The following RIGI variants were observed in gnomAD, a reference collection of about 807,000 sequenced individuals.
The protein encoded by RIGI is RNA sensor RIG-I.
At chr9:32,515,335 G>C in the RIGI span, among the ~76,000 whole-genome samples, 37 of 70,306 alleles carry the variant, frequency 5.3e-4, 1 homozygote, top group Non-Finnish European at 1.1e-3. Flanking sequence ...AAAAAAAAAA[G>C]CCACACGTTT....
chr9:32,521,938 AAGTGACTTAT>A, the RIGI span, among the ~76,000 whole-genome samples: 1 of 152,188 alleles, frequency 6.6e-6, no homozygotes, highest in Admixed American at 6.5e-5. Context: ...TCTTTTCAAA[AAGTGACTTAT>A]AATCAGATAT....
chr9:32,525,307 A>G, the RIGI span, among the ~76,000 whole-genome samples: 1 of 152,146 alleles, frequency 6.6e-6, no homozygotes, highest in African/African-American at 2.4e-5. Context: ...CGGGTTACAT[A>G]GTGGCACCCC....
chr9:32,498,174 C>T, the RIGI span: 1 of 423,180 alleles, frequency 2.4e-6, no homozygotes. Context: ...TCTGGCCAGT[C>T]TATGAAGGAT....
the RIGI span, among the ~76,000 whole-genome samples, chr9:32,475,463 G>C: frequency 1.3e-5 from 2 of 152,122 alleles, no homozygotes. Flanking sequence ...GTGTATGTAT[G>C]GATCAATAAA....
the RIGI span, among the ~76,000 whole-genome samples, chr9:32,499,316 G>GATTTTATTTTTT: frequency 1.7e-5 from 1 of 57,634 alleles, no homozygotes; most frequent in Non-Finnish European, 3.3e-5. Flanking sequence ...TTTGTGATTT[G>GATTTTATTTTTT]TTTTTTTTTT....
the RIGI span, among the ~76,000 whole-genome samples, chr9:32,514,257 T>C: frequency 6.6e-6 from 1 of 152,184 alleles, no homozygotes; most frequent in African/African-American, 2.4e-5. Context: ...ATCATTCTCC[T>C]ATAAAGACAC....
chr9:32,479,342 C>A, the RIGI span, among the ~76,000 whole-genome samples: 1 of 151,986 alleles, frequency 6.6e-6, no homozygotes, highest in South Asian at 2.1e-4. Flanking sequence ...TAAATATTAA[C>A]CAGCACAGCA....
At chr9:32,504,559 T>G in the RIGI span, among the ~76,000 whole-genome samples, 2 of 151,590 alleles carry the variant, frequency 1.3e-5, no homozygotes, top group African/African-American at 4.8e-5. Flanking sequence ...GTGCCTATAA[T>G]CCCAGCTACT....
At chr9:32,506,258 A>C in the RIGI span, among the ~76,000 whole-genome samples, 1 of 152,138 alleles carries the variant, frequency 6.6e-6, no homozygotes, top group East Asian at 1.9e-4. Flanking sequence ...TAAATGAATC[A>C]ATGAAGGAAG....
the RIGI span, among the ~76,000 whole-genome samples, chr9:32,495,568 C>A: frequency 6.6e-6 from 1 of 151,550 alleles, no homozygotes; most frequent in Non-Finnish European, 1.5e-5. Context: ...CTTTGAATTT[C>A]TCTGATGATT....
At chr9:32,485,290 C>A in the RIGI span, 145 of 1,312,444 alleles carry the variant, frequency 1.1e-4, no homozygotes, top group East Asian at 4.8e-4. Context: ...CTAGAGACGT[C>A]AAAAAAAAAA....
the RIGI span, among the ~76,000 whole-genome samples, chr9:32,473,358 G>A: frequency 9.5e-5 from 13 of 136,422 alleles, no homozygotes; most frequent in African/African-American, 1.7e-4. Context: ...CACGATCTTC[G>A]CTCACTGCAA....
chr9:32,487,675 T>G, the RIGI span: 3 of 1,600,000 alleles, frequency 1.9e-6, no homozygotes, highest in Non-Finnish European at 2.6e-6. Context: ...TGAGAAATGG[T>G]ACAATGTTTC....
the RIGI span, chr9:32,493,614 C>T: frequency 3.7e-6 from 2 of 543,310 alleles, no homozygotes; most frequent in African/African-American, 2.0e-5. Context: ...CAGAGCGAGA[C>T]TCCGTCTCAA....
At chr9:32,505,894 T>C in the RIGI span, among the ~76,000 whole-genome samples, 1 of 152,184 alleles carries the variant, frequency 6.6e-6, no homozygotes, top group Non-Finnish European at 1.5e-5. Flanking sequence ...TTCTCAGAAG[T>C]ATAATTCCTC....
chr9:32,463,122 A>G, the RIGI span, among the ~76,000 whole-genome samples: 1 of 152,202 alleles, frequency 6.6e-6, no homozygotes, highest in East Asian at 1.9e-4. Context: ...AAAAAAATAA[A>G]TAAGAAATAA....
At chr9:32,482,296 A>T in the RIGI span, among the ~76,000 whole-genome samples, 1 of 152,238 alleles carries the variant, frequency 6.6e-6, no homozygotes, top group East Asian at 1.9e-4. Context: ...ACAACCCATG[A>T]GATACATATT....
the RIGI span, chr9:32,492,626 T>C: frequency 1.3e-6 from 2 of 1,489,096 alleles, no homozygotes; most frequent in East Asian, 2.3e-5. Flanking sequence ...AGTCATGTAC[T>C]ATCTGATTTA....
At chr9:32,494,427 T>A in the RIGI span, among the ~76,000 whole-genome samples, 8 of 152,180 alleles carry the variant, frequency 5.3e-5, no homozygotes, top group Non-Finnish European at 7.4e-5. Flanking sequence ...TTATTCTACA[T>A]GCCTTTAAAA....
Sources: allele counts gnomAD v4.1 joint callset (sites outside exome capture counted in the v4.1 genomes callset), GRCh38; gene constraint gnomAD v4.1.1; transcripts MANE v1.5; gene names NCBI Gene and HGNC (gene_info 2026-07-23, HGNC 2026-07-21).